RFX3: variants seen among roughly 807,000 people sequenced by gnomAD.
The protein encoded by RFX3 is regulatory factor X3, also known as transcription factor RFX3.
In RFX3, 14 loss-of-function variants were observed where a neutral mutation model predicts 98.6. The observed-to-expected ratio is 0.14, with a 90% CI of 0.09 to 0.22. RFX3 has a LOEUF of 0.22. RFX3 is among the 10% of genes least tolerant of loss of function. RFX3 has a pLI of 1.00. For missense variants in RFX3, 639 were observed against 926.9 expected, an observed-to-expected ratio of 0.69 and a Z score of 4.03; for synonymous variants, 383 against 328.4, an observed-to-expected ratio of 1.17 and a Z score of -1.80.
At chr9:3,233,383 C>T (rs1264691649) in intron 15 of RFX3, among the ~76,000 whole-genome samples, 1 of 152,146 alleles carries the variant, frequency 6.6e-6, no homozygotes, top group Non-Finnish European at 1.5e-5. Flanking sequence ...GAATGCAGCC[C>T]ACAGGTGCAT....
intron 13 of RFX3, among the ~76,000 whole-genome samples, chr9:3,259,638 T>A (rs972312078): frequency 6.6e-5 from 10 of 151,876 alleles, no homozygotes; most frequent in African/African-American, 2.4e-4. Flanking sequence ...TAGCCCATAA[T>A]GTAGATCTCA....
chr9:3,311,854 A>C (rs1330480390), intron 4 of RFX3, among the ~76,000 whole-genome samples: 1 of 152,222 alleles, frequency 6.6e-6, no homozygotes, highest in East Asian at 1.9e-4. Context: ...ACTGCAAGCC[A>C]GCCTGGGCAA....
intron 9 of RFX3, among the ~76,000 whole-genome samples, chr9:3,272,195 T>C (rs1357128574): frequency 3.9e-5 from 6 of 152,134 alleles, no homozygotes; most frequent in Non-Finnish European, 1.5e-5. Context: ...TTGTGATTAT[T>C]TTGGGCATTA....
chr9:3,297,617 G>A (rs1383865526), intron 5 of RFX3, among the ~76,000 whole-genome samples: 3 of 151,882 alleles, frequency 2.0e-5, no homozygotes, highest in Non-Finnish European at 4.4e-5. Context: ...GTTTACTAAC[G>A]ATATGCATTT....
At chr9:3,398,877 C>G (rs566942907) in intron 1 of RFX3, among the ~76,000 whole-genome samples, 12 of 132,506 alleles carry the variant, frequency 9.1e-5, no homozygotes, top group Non-Finnish European at 1.5e-4. Context: ...AACTAACCTG[C>G]ACAATGTGCA....
rs139941325 is a variant in RFX3 at position 3,414,885 on chromosome 9, T to C, written c.-8-19289A>G. 9.1e-3 allele frequency among the ~76,000 whole-genome samples: 1,248 copies of C among 137,840 alleles called. 25 individuals are homozygous for C. The highest frequency in any genetic ancestry group is 0.032 in the African/African-American group (1,195 of 37,746). The allele number at this position is 137,840 out of a possible 152,430, so 90.4% of individuals were successfully genotyped here. ...ATATATGTATATATATGAGTATATA[T>C]AAGTATATATATGAGTATATATACA... On this transcript the variant is annotated intron_variant, in intron 1 of 16. Transcript: ENST00000617270.
chr9:3,324,047 G>A lies in RFX3; in HGVS notation c.474+6212C>T, dbSNP rs543201645. On this transcript the variant is annotated intron_variant, in intron 4 of 16. Coordinates refer to ENST00000617270, the MANE Select transcript of RFX3 (RefSeq NM_001282116.2). ...TTATGATTTAGTGTAGGAAACAGAC[G>A]GTTCATGGTAATCTGTCTGAGGAGT... 1.8e-5 allele frequency: 8 copies of A among 452,118 alleles called. No homozygotes were observed. The East Asian group carries it at 2.1e-4, about 12-fold the overall frequency. The allele number at this position is 452,118 out of a possible 1,614,324, so 28.0% of individuals were successfully genotyped here.
At chr9:3,230,092 T>C (rs1199125059) in intron 15 of RFX3, among the ~76,000 whole-genome samples, 1 of 152,166 alleles carries the variant, frequency 6.6e-6, no homozygotes, top group Non-Finnish European at 1.5e-5. Flanking sequence ...CAGATTTTAT[T>C]TACTACACTT....
At chr9:3,256,101 G>C (rs993618805) in intron 14 of RFX3, among the ~76,000 whole-genome samples, 1 of 152,040 alleles carries the variant, frequency 6.6e-6, no homozygotes, top group African/African-American at 2.4e-5. Flanking sequence ...AGAGTAGCTG[G>C]GACTACAGGC....
chr9:3,228,064 C>T (rs1330617967), intron 16 of RFX3, among the ~76,000 whole-genome samples: 1 of 152,150 alleles, frequency 6.6e-6, no homozygotes, highest in South Asian at 2.1e-4. Context: ...AAGAGACCTC[C>T]CACCCTCCGC....
At chr9:3,298,077 A>T (rs1828204007) in intron 5 of RFX3, among the ~76,000 whole-genome samples, 1 of 151,600 alleles carries the variant, frequency 6.6e-6, no homozygotes, top group Non-Finnish European at 1.5e-5. Context: ...CTTCATATAT[A>T]AAAAAATTAG....
In RFX3 at chr9:3,219,316, T is replaced by G. The variant is rs975286323; in HGVS notation, c.*5726A>C. Reference sequence around the variant, plus strand: ...GGTTATCAACAGTCAATGGGAGTTTTTATATTTTCTTTCCTCCCCAGAATC... The same window carrying G: ...GGTTATCAACAGTCAATGGGAGTTTGTATATTTTCTTTCCTCCCCAGAATC... On this transcript the variant is annotated 3_prime_UTR_variant, in exon 17 of 17. Coordinates refer to ENST00000617270, the MANE Select transcript of RFX3 (RefSeq NM_001282116.2). The G allele has an allele frequency of 2.0e-5, 3 of 152,124 alleles. No individual in the cohort carries two copies. Among genetic ancestry groups the G allele is most frequent in the Non-Finnish European group, 4.4e-5 (3 of 68,008 alleles). 9.4% of individuals were successfully genotyped at this position (152,124 alleles called of 1,614,324 possible). A position where few individuals can be genotyped will look rare whatever the true frequency, so the allele number is the denominator to read the frequency against.
chr9:3,503,391 TTTATG>T (rs4008807), intron 1 of RFX3, among the ~76,000 whole-genome samples: 13,496 of 152,098 alleles, frequency 0.089, 786 homozygotes, highest in Middle Eastern at 0.13. Flanking sequence ...TGTATACACA[TTTATG>T]TTATATTTAT....
intron 2 of RFX3, among the ~76,000 whole-genome samples, chr9:3,351,659 T>C (rs1835145671): frequency 6.6e-6 from 1 of 151,984 alleles, no homozygotes. Flanking sequence ...CATAGGTGGG[T>C]GGGTCACAAA....
Position 3,516,503 on chromosome 9 carries a change from G to T in RFX3, c.-9+9244C>A, listed in dbSNP as rs565592628. 4.6e-5 allele frequency among the ~76,000 whole-genome samples: 7 copies of T among 152,292 alleles called. No homozygotes were observed. In the South Asian group the frequency reaches 1.2e-3, roughly 27 times the overall value. ...AACTATTACCGATGGAAAAATATGA[G>T]ACTAGTGTGGAGGATAGCAATGCTT... On this transcript the variant is annotated intron_variant, in intron 1 of 16. Coordinates refer to ENST00000617270, the MANE Select transcript of RFX3 (RefSeq NM_001282116.2).
At chr9:3,227,243 A>G (rs570261121) in intron 16 of RFX3, among the ~76,000 whole-genome samples, 7 of 152,194 alleles carry the variant, frequency 4.6e-5, no homozygotes, top group East Asian at 1.9e-4. Flanking sequence ...CAAAGTGAGG[A>G]AAGTTCCTCT....
chr9:3,332,071 G>C (rs989918986), intron 3 of RFX3, among the ~76,000 whole-genome samples: 8 of 152,140 alleles, frequency 5.3e-5, no homozygotes, highest in African/African-American at 9.7e-5. Context: ...ACTGACATGA[G>C]TTGCTGAGTC....
At chr9:3,332,068 T>G (rs935618944) in intron 3 of RFX3, among the ~76,000 whole-genome samples, 2 of 152,210 alleles carry the variant, frequency 1.3e-5, no homozygotes, top group African/African-American at 4.8e-5. Context: ...CTGACTGACA[T>G]GAGTTGCTGA....
chr9:3,286,094 A>G (rs1826561480), intron 7 of RFX3, among the ~76,000 whole-genome samples: 1 of 151,840 alleles, frequency 6.6e-6, no homozygotes, highest in South Asian at 2.1e-4. Context: ...GTTTTTATTC[A>G]TACTTAAGTT....
Sources: allele counts gnomAD v4.1 joint callset (sites outside exome capture counted in the v4.1 genomes callset), GRCh38; gene constraint gnomAD v4.1.1; transcripts MANE v1.5; gene names NCBI Gene and HGNC (gene_info 2026-07-23, HGNC 2026-07-21).